Variants in PDE8B observed in about 807,000 individuals in gnomAD.
PDE8B encodes phosphodiesterase 8B, also known as high affinity cAMP-specific and IBMX-insensitive 3',5'-cyclic phosphodiesterase 8B.
Under a neutral mutation model 101.3 loss-of-function variants are expected in PDE8B, and 26 were observed. That is an observed-to-expected ratio of 0.26 (90% CI 0.19 to 0.36). PDE8B has a LOEUF of 0.36. Ranked by LOEUF, PDE8B falls within the 10% of genes least tolerant of loss-of-function variation. PDE8B has a pLI of 1.00. For synonymous variants in PDE8B, 424 were observed against 429.3 expected (o/e 0.99, Z 0.15); for missense variants, 810 against 1,163.1 (o/e 0.70, Z 4.42).
At chr5:77,339,706 G>A (rs988718082) in intron 6 of PDE8B, among the ~76,000 whole-genome samples, 4 of 151,672 alleles carry the variant, frequency 2.6e-5, no homozygotes, top group South Asian at 2.1e-4. Flanking sequence ...CTACAATTCC[G>A]CCCCCAGCTG....
chr5:77,168,688 G>A, the PDE8B span, among the ~76,000 whole-genome samples: 3 of 152,168 alleles, frequency 2.0e-5, no homozygotes, highest in Non-Finnish European at 4.4e-5. Flanking sequence ...GGGCTTTACC[G>A]CAGCTCCTTC....
intron 10 of PDE8B, among the ~76,000 whole-genome samples, chr5:77,383,387 G>A (rs1787904440): frequency 6.6e-6 from 1 of 152,130 alleles, no homozygotes. Flanking sequence ...TCTGTAGGTT[G>A]CCTGTTCACT....
intron 1 of PDE8B, chr5:77,290,158 A>G (rs1766950288): frequency 1.5e-6 from 2 of 1,368,594 alleles, no homozygotes; most frequent in Non-Finnish European, 2.0e-6. Flanking sequence ...ATGAATTCCA[A>G]TCTGGTCTTA....
chr5:77,196,172 C>T, the PDE8B span, among the ~76,000 whole-genome samples: 53 of 152,244 alleles, frequency 3.5e-4, no homozygotes, highest in African/African-American at 1.2e-3. Flanking sequence ...ACACTAGATA[C>T]TTGACCCATA....
intron 1 of PDE8B, among the ~76,000 whole-genome samples, chr5:77,289,204 G>A (rs1175626892): frequency 1.3e-5 from 2 of 152,132 alleles, no homozygotes; most frequent in Non-Finnish European, 2.9e-5. Flanking sequence ...GAAACGTAAG[G>A]TGAAAAGGGA....
the PDE8B span, among the ~76,000 whole-genome samples, chr5:77,117,970 T>C: frequency 6.6e-6 from 1 of 152,156 alleles, no homozygotes; most frequent in South Asian, 2.1e-4. Context: ...AGTTTCGCTC[T>C]GTCCCTTAGG....
At chr5:77,117,316 C>T in the PDE8B span, among the ~76,000 whole-genome samples, 14 of 152,136 alleles carry the variant, frequency 9.2e-5, no homozygotes, top group African/African-American at 3.4e-4. Context: ...TTTTTTCAAT[C>T]GGAGAGAAGA....
intron 1 of PDE8B, among the ~76,000 whole-genome samples, chr5:77,243,902 G>A (rs905753910): frequency 2.3e-4 from 35 of 152,162 alleles, no homozygotes; most frequent in African/African-American, 8.0e-4. Context: ...GACTCCTTAA[G>A]TCATTGCCAA....
chr5:77,411,322 G>A (rs1473140977), intron 14 of PDE8B, among the ~76,000 whole-genome samples: 9 of 152,120 alleles, frequency 5.9e-5, no homozygotes, highest in Non-Finnish European at 1.5e-5. Flanking sequence ...AGGGTGAGGG[G>A]GATCCCGTCA....
At chr5:77,106,610 A>T in the PDE8B span, among the ~76,000 whole-genome samples, 1 of 152,160 alleles carries the variant, frequency 6.6e-6, no homozygotes. Flanking sequence ...TAGAGTTTAG[A>T]ATCAGCTTGT....
At chr5:77,300,536 G>A (rs998304551) in intron 1 of PDE8B, among the ~76,000 whole-genome samples, 7 of 152,122 alleles carry the variant, frequency 4.6e-5, no homozygotes, top group African/African-American at 1.2e-4. Flanking sequence ...TTGCTGCTGC[G>A]GTGCTTACCT....
intron 2 of PDE8B, among the ~76,000 whole-genome samples, chr5:77,325,025 G>A (rs6453302): frequency 0.84 from 127,438 of 152,188 alleles, 53,785 homozygotes; most frequent in East Asian, 0.97. Context: ...CCCAGAAACT[G>A]TAGGCCAAAG....
intron 21 of PDE8B, chr5:77,426,140 G>T (rs998496241): frequency 1.7e-6 from 1 of 596,882 alleles, no homozygotes; most frequent in South Asian, 2.0e-5. Context: ...CCTCTTCAAA[G>T]GACACGCTGC....
chr5:77,378,191 C>T (rs4470750), intron 10 of PDE8B, among the ~76,000 whole-genome samples: 126,551 of 152,006 alleles, frequency 0.83, 53,054 homozygotes, highest in African/African-American at 0.92. Flanking sequence ...CCGGGCACGG[C>T]GGCTCATGCC....
chr5:77,153,502 GTTTA>G, the PDE8B span, among the ~76,000 whole-genome samples: 2 of 150,924 alleles, frequency 1.3e-5, no homozygotes, highest in African/African-American at 4.9e-5. Context: ...ATATTGGACA[GTTTA>G]TTTACTTACT....
chr5:77,194,835 A>G, the PDE8B span, among the ~76,000 whole-genome samples: 1 of 152,228 alleles, frequency 6.6e-6, no homozygotes, highest in Non-Finnish European at 1.5e-5. Flanking sequence ...GTATTCAGTC[A>G]TCTGTTGATG....
At position 77,418,456 on chromosome 5, in the gene PDE8B, G is replaced by C; in HGVS notation, c.2129+10G>C. 6.3e-7 allele frequency: 1 copy of C among 1,595,562 alleles called. No individual in the cohort carries two copies. The highest frequency in any genetic ancestry group is 8.6e-7 in the Non-Finnish European group (1 of 1,164,512). On this transcript the variant is annotated intron_variant, in intron 18 of 21. Transcript: ENST00000264917. The stretch of plus-strand genomic sequence containing the variant: ...TCAAGAATATTGACAGGTTTGTTGT[G>C]CTGGGGCTCCTGTGCTCAAGTTTGT...
At chr5:77,309,940 A>AGCCT (rs1772169254) in intron 1 of PDE8B, among the ~76,000 whole-genome samples, 1 of 37,090 alleles carries the variant, frequency 2.7e-5, no homozygotes, top group Non-Finnish European at 4.6e-5. Flanking sequence ...TTTAATCATT[A>AGCCT]ATCTTTTTTT....
the PDE8B span, among the ~76,000 whole-genome samples, chr5:77,203,307 T>G: frequency 2.6e-5 from 4 of 152,252 alleles, no homozygotes; most frequent in African/African-American, 9.6e-5. Context: ...ATCTCCCGGA[T>G]AATTTCCACC....
Sources: allele counts gnomAD v4.1 joint callset (sites outside exome capture counted in the v4.1 genomes callset), GRCh38; gene constraint gnomAD v4.1.1; transcripts MANE v1.5; gene names NCBI Gene and HGNC (gene_info 2026-07-23, HGNC 2026-07-21).